The following TUBA1C variants were observed in gnomAD, a reference collection of about 807,000 sequenced individuals.
The protein encoded by TUBA1C is tubulin alpha 1c, also known as tubulin alpha-1C chain.
A neutral mutation model predicts 34.9 loss-of-function variants in TUBA1C; 16 were observed. That is an observed-to-expected ratio of 0.46 (90% confidence interval 0.31 to 0.70). The LOEUF (loss-of-function observed/expected upper bound fraction) is 0.70. TUBA1C is among the 30% of genes least tolerant of loss of function. The pLI is 0.05. For missense variants in TUBA1C, 329 were observed against 587.3 expected (o/e 0.56, Z 4.55); for synonymous variants, 177 against 215.9 (o/e 0.82, Z 1.58).
At chr12:49,261,115 G>A (rs1264200535), upstream of TUBA1C, among the ~76,000 whole-genome samples, 1 of 152,080 alleles carries the variant, frequency 6.6e-6, no homozygotes, top group Admixed American at 6.5e-5. Flanking sequence ...TTGGGAGGCC[G>A]AGGCAGGCAG....
chr12:49,264,952 G>T (rs965516999), upstream of TUBA1C: 14 of 475,922 alleles, frequency 2.9e-5, no homozygotes, highest in African/African-American at 2.8e-4. Flanking sequence ...CCACTCCGCG[G>T]GTGCGGCCGG....
In TUBA1C at chr12:49,273,962, C is replaced by CT. The variant is rs1449897837; in HGVS notation, c.*736dup. ...ATTTGCATGCTGTGATGGCACCTGC[C>CT]TATAGGTGGGAGGACCACCTGAGCC... On this transcript the variant is annotated 3_prime_UTR_variant, in exon 4 of 4. Transcript: ENST00000301072. 2 of 153,324 alleles carry CT rather than the reference C, an allele frequency of 1.3e-5. No individual in the cohort carries two copies. Among genetic ancestry groups the CT allele is most frequent in the Non-Finnish European group, 2.9e-5 (2 of 68,960 alleles). The allele number at this position is 153,324 out of a possible 1,614,324, so 9.5% of individuals were successfully genotyped here.
chr12:49,251,205 C>T (rs1165089081), intron 1 of TUBA1C, among the ~76,000 whole-genome samples: 2 of 152,106 alleles, frequency 1.3e-5, no homozygotes, highest in African/African-American at 2.4e-5. Flanking sequence ...GAGACCCTGT[C>T]TCAAGAACAA....
rs1187143825 is a variant in TUBA1C, at chr12:49,265,084, T to A, written c.-98T>A. Reference sequence around the variant, plus strand: ...CCTTCGGGGCCGGCCACCCTTTCACTACTTCTCCCCCGGACTCCTTGGTAG... The same window carrying A: ...CCTTCGGGGCCGGCCACCCTTTCACAACTTCTCCCCCGGACTCCTTGGTAG... On this transcript the variant is annotated 5_prime_UTR_variant, in exon 1 of 4. Coordinates refer to ENST00000301072, the MANE Select transcript of TUBA1C (RefSeq NM_032704.5). 3 of 1,448,556 alleles carry A rather than the reference T, an allele frequency of 2.1e-6. No homozygotes were observed. The highest frequency in any genetic ancestry group is 1.9e-4 in the Middle Eastern group (1 of 5,228). The allele number at this position is 1,448,556 out of a possible 1,614,324, so 89.7% of individuals were successfully genotyped here. A position where few individuals can be genotyped will look rare whatever the true frequency, so the allele number is the denominator to read the frequency against.
chr12:49,255,400 T>TTA, intron 1 of TUBA1C, among the ~76,000 whole-genome samples: 1 of 142,470 alleles, frequency 7.0e-6, no homozygotes, highest in Non-Finnish European at 1.5e-5. Flanking sequence ...AACTTATCTT[T>TTA]AAAAAATATA....
upstream of TUBA1C, chr12:49,264,985 G>T: frequency 1.4e-6 from 1 of 725,438 alleles, no homozygotes; most frequent in Non-Finnish European, 1.9e-6. Context: ...GCTCGAAGGT[G>T]GGGCCGCAGC....
chr12:49,239,943 C>T (rs11168931), intron 1 of TUBA1C, among the ~76,000 whole-genome samples: 2,530 of 151,958 alleles, frequency 0.017, 73 homozygotes, highest in African/African-American at 0.058. Flanking sequence ...ACTTGTGTGG[C>T]ACAAGTCAGT....
intron 1 of TUBA1C, among the ~76,000 whole-genome samples, chr12:49,235,147 G>A (rs899253737): frequency 7.3e-5 from 11 of 151,420 alleles, no homozygotes; most frequent in Non-Finnish European, 1.3e-4. Flanking sequence ...TTGGGATTGC[G>A]TAATCAAAAA....
intron 1 of TUBA1C, among the ~76,000 whole-genome samples, chr12:49,244,933 AG>A (rs1942652138): frequency 6.6e-6 from 1 of 152,088 alleles, no homozygotes; most frequent in African/African-American, 2.4e-5. Flanking sequence ...ATAACACCCC[AG>A]GTATTATTTT....
At chr12:49,257,862 AT>A (rs550187175) in intron 1 of TUBA1C, 20,209 of 168,104 alleles carry the variant, frequency 0.12, 949 homozygotes, top group Middle Eastern at 0.21. Flanking sequence ...AAAGTTTACA[AT>A]TTTTTTTTTT....
At chr12:49,267,378 G>T (rs1030946431) in intron 1 of TUBA1C, among the ~76,000 whole-genome samples, 3 of 152,196 alleles carry the variant, frequency 2.0e-5, no homozygotes, top group Non-Finnish European at 4.4e-5. Flanking sequence ...TAAACATGAT[G>T]CCGGGCGTGG....
intron 1 of TUBA1C, among the ~76,000 whole-genome samples, chr12:49,259,313 C>A (rs1942819978): frequency 6.6e-6 from 1 of 151,554 alleles, no homozygotes; most frequent in South Asian, 2.1e-4. Context: ...CTCACTGCAA[C>A]CTCTGCCTCC....
At position 49,265,130 on chromosome 12, in the gene TUBA1C, G is replaced by T. The variant is rs551567351; in HGVS notation, c.-52G>T. On this transcript the variant is annotated 5_prime_UTR_variant, in exon 1 of 4. Transcript: ENST00000301072. ...GGTAGTCTGTTAGTGGGAGATCCTT[G>T]TTGCCGTCCCTTCGCCTCCTTCACC... The T allele has an allele frequency of 1.3e-6, 2 of 1,590,952 alleles. No homozygotes were observed. Among genetic ancestry groups the T allele is most frequent in the African/African-American group, 2.7e-5 (2 of 74,538 alleles).
intron 1 of TUBA1C, among the ~76,000 whole-genome samples, chr12:49,231,102 C>A (rs1942492154): frequency 6.6e-6 from 1 of 152,194 alleles, no homozygotes; most frequent in Non-Finnish European, 1.5e-5. Flanking sequence ...TCAGAAGTGA[C>A]AATAAAAACA....
At chr12:49,264,761 G>T (rs925067572), upstream of TUBA1C, 37 of 180,804 alleles carry the variant, frequency 2.0e-4, no homozygotes, top group Non-Finnish European at 4.0e-4. Flanking sequence ...CTCTGTCCCT[G>T]TCCCGGCCCA....
intron 1 of TUBA1C, among the ~76,000 whole-genome samples, chr12:49,252,603 C>A (rs1473415137): frequency 6.6e-6 from 1 of 152,068 alleles, no homozygotes; most frequent in African/African-American, 2.4e-5. Context: ...ATGGCGAAAC[C>A]CCATCTCTAC....
chr12:49,255,254 T>A (rs964206060), intron 1 of TUBA1C, among the ~76,000 whole-genome samples: 1 of 151,904 alleles, frequency 6.6e-6, no homozygotes, highest in African/African-American at 2.4e-5. Context: ...TCTAATTCAG[T>A]ATTTTGTTAT....
Position 49,273,536 on chromosome 12 carries a change from G to A in TUBA1C, c.*309G>A. Reference sequence around the variant, plus strand: ...TCCTAAGTAGCTGGGGACTGCAGGTGCACACCACCATGCCCAGCTATTTTT... The same window carrying A: ...TCCTAAGTAGCTGGGGACTGCAGGTACACACCACCATGCCCAGCTATTTTT... On this transcript the variant is annotated 3_prime_UTR_variant, in exon 4 of 4. Coordinates refer to ENST00000301072, the MANE Select transcript of TUBA1C (RefSeq NM_032704.5). The A allele has an allele frequency of 4.7e-6, 2 of 423,714 alleles. No homozygotes were observed. The highest frequency in any genetic ancestry group is 8.8e-6 in the Non-Finnish European group (2 of 227,758). The allele number at this position is 423,714 out of a possible 1,614,324, so 26.2% of individuals were successfully genotyped here.
intron 1 of TUBA1C, among the ~76,000 whole-genome samples, chr12:49,230,403 C>T (rs1299081801): frequency 6.6e-6 from 1 of 152,160 alleles, no homozygotes; most frequent in Non-Finnish European, 1.5e-5. Context: ...AGTGAGAGGC[C>T]TGGGGCAGGT....
Sources: gnomAD v4.1 joint callset for allele counts (sites outside exome capture counted in the v4.1 genomes callset) on GRCh38, gnomAD v4.1.1 for gene constraint, MANE v1.5 for transcripts, NCBI Gene and HGNC (gene_info 2026-07-23, HGNC 2026-07-21) for gene names.